BEND6: variants seen among roughly 807,000 people sequenced by gnomAD.
The protein encoded by BEND6 is BEN domain containing 6.
A neutral mutation model predicts 31.8 loss-of-function variants in BEND6; 24 were observed. The observed-to-expected ratio is 0.75, with a 90% CI of 0.55 to 1.06. BEND6 has a LOEUF of 1.06. BEND6 is among the 50% of genes least tolerant of loss of function. BEND6 has a pLI of 0.00. For synonymous variants in BEND6, 109 were observed against 114.6 expected (o/e 0.95, Z 0.31); for missense variants, 294 against 327.4 (o/e 0.90, Z 0.79).
intron 2 of BEND6, among the ~76,000 whole-genome samples, chr6:56,983,660 A>C (rs939267072): frequency 7.9e-5 from 12 of 152,286 alleles, no homozygotes; most frequent in Admixed American, 6.5e-4. Context: ...TTAGGGCTCA[A>C]TGATATTCCA....
chr6:56,991,905 T>C (rs1453369957), intron 2 of BEND6, among the ~76,000 whole-genome samples: 1 of 152,190 alleles, frequency 6.6e-6, no homozygotes, highest in Non-Finnish European at 1.5e-5. Context: ...TATGAATTGT[T>C]TGTAGCTGGC....
chr6:57,004,912 A>G, intron 3 of BEND6: 1 of 565,024 alleles, frequency 1.8e-6, no homozygotes, highest in African/African-American at 1.9e-5. Flanking sequence ...ACTCAGGAGG[A>G]TGAGGCAAGA....
At chr6:57,004,449 A>C in intron 3 of BEND6, 1 of 597,120 alleles carries the variant, frequency 1.7e-6, no homozygotes. Context: ...GCCCATAGCC[A>C]GCCCTCCGCT....
At chr6:56,961,248 G>A (rs1393000787) in intron 1 of BEND6, among the ~76,000 whole-genome samples, 1 of 152,126 alleles carries the variant, frequency 6.6e-6, no homozygotes, top group African/African-American at 2.4e-5. Flanking sequence ...GAAGTGTCTT[G>A]GGGACTATCC....
At chr6:56,965,372 A>G (rs1825436603) in intron 1 of BEND6, among the ~76,000 whole-genome samples, 1 of 152,158 alleles carries the variant, frequency 6.6e-6, no homozygotes. Context: ...ATAAAATTAC[A>G]AAGTTAATGG....
chr6:57,017,212 G>A lies in BEND6; in HGVS notation c.525G>A (p.Gln175=). 6.4e-7 allele frequency: 1 copy of A among 1,572,536 alleles called. No homozygotes were observed. The highest frequency in any genetic ancestry group is 1.8e-5 in the Admixed American group (1 of 54,064). Residue 175 remains glutamine (Q), a synonymous_variant, in exon 5 of 7, where the codon CAG becomes CAA. Transcript: ENST00000370746. ...EEHQTDEKQF[Q]IEKWQIARCN... The stretch of plus-strand genomic sequence containing the variant: ...ACTCTTTCTTATCTTTTTAGTTCCA[G>A]ATTGAAAAATGGCAGATTGCCCGTT...
chr6:57,017,467 G>A, intron 5 of BEND6, 68 bp downstream of exon 5: 2 of 1,140,216 alleles, frequency 1.8e-6, no homozygotes, highest in East Asian at 3.1e-5. Flanking sequence ...GGTCAAGATA[G>A]TCTTTCATGG....
intron 3 of BEND6, chr6:57,004,448 C>G: frequency 1.7e-6 from 1 of 602,458 alleles, no homozygotes; most frequent in Non-Finnish European, 3.1e-6. Context: ...TGCCCATAGC[C>G]AGCCCTCCGC....
chr6:57,009,695 A>G (rs1367561031), intron 3 of BEND6: 1 of 152,246 alleles, frequency 6.6e-6, no homozygotes, highest in Non-Finnish European at 1.5e-5. Flanking sequence ...TGTGTCAACT[A>G]GAAGAGCTTC....
chr6:56,990,111 A>T (rs72865216), intron 2 of BEND6, among the ~76,000 whole-genome samples: 9,264 of 149,432 alleles, frequency 0.062, 402 homozygotes, highest in South Asian at 0.1. Context: ...ATTTCCTTTC[A>T]TTTTTTTTTC....
intron 2 of BEND6, among the ~76,000 whole-genome samples, chr6:56,992,071 T>G (rs1826525232): frequency 6.6e-6 from 1 of 152,214 alleles, no homozygotes; most frequent in Non-Finnish European, 1.5e-5. Context: ...AAGACCAGAT[T>G]TGAATGGTGG....
At chr6:57,023,006 T>C (rs1292200438) in intron 6 of BEND6, among the ~76,000 whole-genome samples, 2 of 152,248 alleles carry the variant, frequency 1.3e-5, no homozygotes, top group Non-Finnish European at 2.9e-5. Flanking sequence ...TGATTTCTAC[T>C]GTTTTGAATT....
intron 3 of BEND6, among the ~76,000 whole-genome samples, chr6:57,000,652 G>A (rs1269025802): frequency 2.7e-5 from 4 of 150,068 alleles, no homozygotes; most frequent in Non-Finnish European, 1.5e-5. Flanking sequence ...AAAAAAAGTA[G>A]GAGTTGACCC....
intron 1 of BEND6, among the ~76,000 whole-genome samples, chr6:56,971,325 A>G (rs1181332368): frequency 6.6e-6 from 1 of 152,210 alleles, no homozygotes; most frequent in Non-Finnish European, 1.5e-5. Flanking sequence ...TTAAAGGTTG[A>G]ATACTATTAC....
At chr6:56,955,596 G>C (rs145259774) in intron 1 of BEND6, 136 bp downstream of exon 1, 8 of 152,346 alleles carry the variant, frequency 5.3e-5, no homozygotes, top group African/African-American at 1.9e-4. Flanking sequence ...AGCGCTCCGG[G>C]GTAGTACGCT....
intron 2 of BEND6, among the ~76,000 whole-genome samples, chr6:56,982,255 A>C (rs1297919897): frequency 6.6e-6 from 1 of 152,162 alleles, no homozygotes; most frequent in East Asian, 1.9e-4. Flanking sequence ...GTTGAGTTAG[A>C]AACATACTCA....
chr6:56,980,017 C>T (rs1418976669), intron 1 of BEND6, among the ~76,000 whole-genome samples: 3 of 152,188 alleles, frequency 2.0e-5, no homozygotes, highest in African/African-American at 7.2e-5. Context: ...ACAACTTAAA[C>T]ATTCTCCACT....
chr6:56,968,736 T>C lies in BEND6; in HGVS notation c.-100-12975T>C, dbSNP rs1408530533. ...ACACTGACCATTTTTTTAATCATGA[T>C]ATTGCCAGAACAACTTGGAAACTGA... is the stretch of plus-strand genomic sequence containing the variant. On this transcript the variant is annotated intron_variant, in intron 1 of 6. Transcript: ENST00000370746. 2.0e-5 allele frequency among the ~76,000 whole-genome samples: 3 copies of C among 152,092 alleles called. No homozygotes were observed. The East Asian group carries it at 5.8e-4, about 29-fold the overall frequency.
intron 3 of BEND6, among the ~76,000 whole-genome samples, chr6:56,997,518 A>C (rs1430049084): frequency 2.0e-5 from 3 of 152,192 alleles, no homozygotes; most frequent in African/African-American, 7.2e-5. Context: ...GGAACTGCCT[A>C]CTGCCACTGC....
Sources: gnomAD v4.1 joint callset for allele counts (sites outside exome capture counted in the v4.1 genomes callset) on GRCh38, gnomAD v4.1.1 for gene constraint, MANE v1.5 for transcripts, NCBI Gene and HGNC (gene_info 2026-07-23, HGNC 2026-07-21) for gene names.